CABCOCO1: variants seen among roughly 807,000 people sequenced by gnomAD.
The protein encoded by CABCOCO1 is ciliary-associated calcium-binding coiled-coil protein 1.
In CABCOCO1, 28 loss-of-function variants were observed where a neutral mutation model predicts 35.7. The observed-to-expected ratio is 0.78, with a 90% CI of 0.58 to 1.07. The LOEUF is 1.07. Among genes scored for constraint, CABCOCO1 ranks in the 50% least tolerant of loss-of-function variants. The pLI is 0.00. For synonymous variants in CABCOCO1, 95 were observed against 100.1 expected, an observed-to-expected ratio of 0.95 and a Z score of 0.30; for missense variants, 326 against 309.2, an observed-to-expected ratio of 1.05 and a Z score of -0.41.
chr10:61,670,204 C>T (rs902694311), intron 1 of CABCOCO1, among the ~76,000 whole-genome samples: 4 of 151,990 alleles, frequency 2.6e-5, no homozygotes, highest in African/African-American at 4.8e-5. Flanking sequence ...AATAATTATA[C>T]TTTACCACTC....
At chr10:61,703,240 AC>A (rs1840506106) in intron 5 of CABCOCO1, among the ~76,000 whole-genome samples, 1 of 150,726 alleles carries the variant, frequency 6.6e-6, no homozygotes, top group Non-Finnish European at 1.5e-5. Flanking sequence ...ACACACACAC[AC>A]ACACACACAC....
chr10:61,690,043 T>A (rs976721881), intron 4 of CABCOCO1, among the ~76,000 whole-genome samples: 10 of 152,144 alleles, frequency 6.6e-5, no homozygotes, highest in Non-Finnish European at 1.3e-4. Context: ...TGGATTTTAG[T>A]TCATGCGCCA....
chr10:61,686,203 T>C lies in CABCOCO1; in HGVS notation c.479+18T>C. ...AAAATCAGGTATGGATTATTTTCAGTAACATTTATTTTTCATTTCACATCT... is the reference window on the plus strand; with the variant it reads ...AAAATCAGGTATGGATTATTTTCAGCAACATTTATTTTTCATTTCACATCT... On this transcript the variant is annotated intron_variant, in intron 4 of 7. Coordinates refer to ENST00000648843, the MANE Select transcript of CABCOCO1 (RefSeq NM_001366906.2). 3 of 1,513,118 alleles carry C rather than the reference T, an allele frequency of 2.0e-6. No homozygotes were observed. The South Asian group carries it at 3.9e-5, about 19-fold the overall frequency. 93.7% of individuals were successfully genotyped at this position (1,513,118 alleles called of 1,614,324 possible).
At chr10:61,714,112 A>G (rs1304737812) in intron 5 of CABCOCO1, among the ~76,000 whole-genome samples, 1 of 152,208 alleles carries the variant, frequency 6.6e-6, no homozygotes, top group Non-Finnish European at 1.5e-5. Flanking sequence ...TACCTTTGGT[A>G]GAATTTGGCT....
At chr10:61,749,168 T>C (rs1202457889) in intron 5 of CABCOCO1, among the ~76,000 whole-genome samples, 1 of 152,174 alleles carries the variant, frequency 6.6e-6, no homozygotes, top group Non-Finnish European at 1.5e-5. Context: ...TCCAGAAAGT[T>C]TTTTGCAAGT....
chr10:61,753,587 A>G (rs1463594117), intron 5 of CABCOCO1, among the ~76,000 whole-genome samples: 1 of 152,168 alleles, frequency 6.6e-6, no homozygotes, highest in African/African-American at 2.4e-5. Context: ...TTAAAAATGA[A>G]TGTAATCAGG....
intron 7 of CABCOCO1, among the ~76,000 whole-genome samples, chr10:61,765,617 C>T (rs1389310911): frequency 6.6e-6 from 1 of 152,178 alleles, no homozygotes; most frequent in Non-Finnish European, 1.5e-5. Context: ...AGCAGTTATT[C>T]TGATTCAGTG....
chr10:61,663,767 T>C (rs1209598708), intron 1 of CABCOCO1, among the ~76,000 whole-genome samples: 1 of 152,204 alleles, frequency 6.6e-6, no homozygotes, highest in East Asian at 1.9e-4. Flanking sequence ...TAAGTAACTT[T>C]ACTCATAAAC....
intron 1 of CABCOCO1, among the ~76,000 whole-genome samples, chr10:61,667,095 A>C (rs1401237576): frequency 3.5e-5 from 5 of 143,620 alleles, no homozygotes; most frequent in Admixed American, 2.9e-4. Flanking sequence ...TAAATTTCAT[A>C]TAGTATATAT....
At chr10:61,732,950 T>G (rs1270437781) in intron 5 of CABCOCO1, among the ~76,000 whole-genome samples, 1 of 152,038 alleles carries the variant, frequency 6.6e-6, no homozygotes, top group Admixed American at 6.6e-5. Context: ...CAGTGAATGT[T>G]TTTAGAGCTT....
At chr10:61,680,448 T>TTTTATATATAACATATATAATATATA (rs2131972080) in intron 2 of CABCOCO1, among the ~76,000 whole-genome samples, 1 of 133,322 alleles carries the variant, frequency 7.5e-6, no homozygotes, top group African/African-American at 2.9e-5. Flanking sequence ...ATATAATATA[T>TTTTATATATAACATATATAATATATA]TTTATATATA....
At chr10:61,699,855 A>G (rs1339147039) in intron 5 of CABCOCO1, among the ~76,000 whole-genome samples, 1 of 152,164 alleles carries the variant, frequency 6.6e-6, no homozygotes, top group African/African-American at 2.4e-5. Context: ...GGTAACTGAC[A>G]TTATTGTTTC....
intron 5 of CABCOCO1, among the ~76,000 whole-genome samples, chr10:61,709,872 T>C (rs1166832130): frequency 6.6e-6 from 1 of 152,024 alleles, no homozygotes; most frequent in Non-Finnish European, 1.5e-5. Context: ...AAAACACATT[T>C]TTCAGATTAA....
intron 5 of CABCOCO1, among the ~76,000 whole-genome samples, chr10:61,713,644 G>A (rs1238555948): frequency 6.6e-6 from 1 of 152,066 alleles, no homozygotes; most frequent in Non-Finnish European, 1.5e-5. Context: ...ATTGGCTGTG[G>A]GTTTGTCATA....
chr10:61,663,823 A>G (rs1028708089), intron 1 of CABCOCO1, among the ~76,000 whole-genome samples: 4 of 71,256 alleles, frequency 5.6e-5, no homozygotes, highest in African/African-American at 1.8e-4. Context: ...GCCAGATATT[A>G]TAAAAAAAAA....
intron 5 of CABCOCO1, among the ~76,000 whole-genome samples, chr10:61,740,430 G>A (rs992164396): frequency 5.9e-5 from 9 of 152,174 alleles, no homozygotes; most frequent in African/African-American, 1.9e-4. Context: ...GCAAGCCTAC[G>A]GGATATTCAT....
At chr10:61,733,145 A>C (rs1841342696) in intron 5 of CABCOCO1, among the ~76,000 whole-genome samples, 1 of 152,032 alleles carries the variant, frequency 6.6e-6, no homozygotes, top group Admixed American at 6.6e-5. Flanking sequence ...TATCACTTAT[A>C]GGTAATACAT....
At chr10:61,681,858 A>C (rs1033478952) in intron 3 of CABCOCO1, among the ~76,000 whole-genome samples, 27 of 152,168 alleles carry the variant, frequency 1.8e-4, no homozygotes, top group Admixed American at 1.3e-4. Context: ...ATGCTGGAAG[A>C]TACAGAAAAA....
At chr10:61,755,883 T>C (rs1353392848) in intron 5 of CABCOCO1, among the ~76,000 whole-genome samples, 1 of 151,982 alleles carries the variant, frequency 6.6e-6, no homozygotes, top group African/African-American at 2.4e-5. Flanking sequence ...TTCTCAGACA[T>C]AGTAAGATCT....
Sources: allele counts gnomAD v4.1 joint callset (sites outside exome capture counted in the v4.1 genomes callset), GRCh38; gene constraint gnomAD v4.1.1; transcripts MANE v1.5; gene names NCBI Gene and HGNC (gene_info 2026-07-23, HGNC 2026-07-21).